HTR1F: variants seen among roughly 807,000 people sequenced by gnomAD.
HTR1F encodes the protein 5-hydroxytryptamine receptor 1F.
In HTR1F, 17 loss-of-function variants were observed where a neutral mutation model predicts 24.0. That is an observed-to-expected ratio of 0.71 (90% confidence interval 0.48 to 1.06). HTR1F has a LOEUF of 1.06. Ranked by LOEUF, HTR1F falls within the 50% of genes least tolerant of loss-of-function variation. The probability of loss-of-function intolerance (pLI) is 0.00; values close to 1 mark genes in which losing one functional copy is unlikely to be tolerated. For synonymous variants in HTR1F, 186 were observed against 156.8 expected, an observed-to-expected ratio of 1.19 and a Z score of -1.39; for missense variants, 391 against 427.8, an observed-to-expected ratio of 0.91 and a Z score of 0.76.
chr3:87,946,622 TA>T (rs1310836279), intron 2 of HTR1F, among the ~76,000 whole-genome samples: 1 of 85,414 alleles, frequency 1.2e-5, no homozygotes, highest in African/African-American at 4.3e-5. Flanking sequence ...TATATATATA[TA>T]TATATTTTTT....
At chr3:87,904,752 A>C (rs1216873965) in intron 2 of HTR1F, among the ~76,000 whole-genome samples, 4 of 152,126 alleles carry the variant, frequency 2.6e-5, no homozygotes, top group South Asian at 2.1e-4. Flanking sequence ...ATGCATACAC[A>C]TTATACCACA....
chr3:87,854,462 G>T (rs1246915012), intron 2 of HTR1F, among the ~76,000 whole-genome samples: 1 of 151,382 alleles, frequency 6.6e-6, no homozygotes, highest in Non-Finnish European at 1.5e-5. Context: ...TTCTTAGTCT[G>T]ACTTCTTTAA....
intron 2 of HTR1F, among the ~76,000 whole-genome samples, chr3:87,826,780 A>G (rs960100683): frequency 3.9e-5 from 6 of 152,116 alleles, no homozygotes; most frequent in Non-Finnish European, 7.3e-5. Context: ...AAGTCCACAA[A>G]TAGTAGATAA....
chr3:87,828,301 G>A (rs755842957), intron 2 of HTR1F, among the ~76,000 whole-genome samples: 6 of 152,080 alleles, frequency 3.9e-5, no homozygotes, highest in African/African-American at 1.2e-4. Context: ...ATTCACGTTC[G>A]ATTAGTTAAG....
intron 2 of HTR1F, among the ~76,000 whole-genome samples, chr3:87,827,379 C>T (rs1387246820): frequency 6.6e-6 from 1 of 151,878 alleles, no homozygotes; most frequent in Admixed American, 6.6e-5. Flanking sequence ...TTTTCCTTTC[C>T]CAGGCAGTCA....
intron 1 of HTR1F, among the ~76,000 whole-genome samples, chr3:87,800,262 G>T (rs1347101343): frequency 6.6e-6 from 1 of 151,988 alleles, no homozygotes; most frequent in Admixed American, 6.6e-5. Flanking sequence ...TTCTTCCTCT[G>T]AATTTCTGCT....
intron 2 of HTR1F, among the ~76,000 whole-genome samples, chr3:87,982,839 T>G (rs1705576495): frequency 6.6e-6 from 1 of 152,182 alleles, no homozygotes; most frequent in Admixed American, 6.5e-5. Flanking sequence ...CACCATTACA[T>G]ATAAAGGATT....
At chr3:87,894,037 T>TG (rs549912663) in intron 2 of HTR1F, among the ~76,000 whole-genome samples, 1 of 152,002 alleles carries the variant, frequency 6.6e-6, no homozygotes, top group South Asian at 2.1e-4. Flanking sequence ...CCATAGGTTT[T>TG]GGGGGGAACA....
rs192699543 is a variant in HTR1F, at chr3:87,803,006, T to C, written c.-160+10164T>C. 6.3e-4 allele frequency among the ~76,000 whole-genome samples: 96 copies of C among 152,240 alleles called. No individual in the cohort carries two copies. In the East Asian group the frequency reaches 0.011, roughly 17 times the overall value. Reference sequence around the variant, plus strand: ...GACCCTTCAATCTTAGTAATTCTGGTTGAAATAAAAGCAATGGAGCTGTCT... The same window carrying C: ...GACCCTTCAATCTTAGTAATTCTGGCTGAAATAAAAGCAATGGAGCTGTCT... On this transcript the variant is annotated intron_variant, in intron 1 of 2. Coordinates refer to ENST00000319595, the MANE Select transcript of HTR1F (RefSeq NM_001322209.2).
At chr3:87,825,868 C>T (rs1399034109) in intron 2 of HTR1F, among the ~76,000 whole-genome samples, 2 of 152,150 alleles carry the variant, frequency 1.3e-5, no homozygotes, top group African/African-American at 4.8e-5. Context: ...GACAGACAGG[C>T]AGGGTTTTAG....
At chr3:87,820,674 T>G (rs1704342276) in intron 1 of HTR1F, among the ~76,000 whole-genome samples, 1 of 152,080 alleles carries the variant, frequency 6.6e-6, no homozygotes, top group Admixed American at 6.5e-5. Context: ...AATTTGAGAG[T>G]TGATATGCTC....
At chr3:87,953,337 A>G (rs1704874855) in intron 2 of HTR1F, among the ~76,000 whole-genome samples, 1 of 138,462 alleles carries the variant, frequency 7.2e-6, no homozygotes, top group African/African-American at 3.1e-5. Flanking sequence ...AAATATAAAG[A>G]ACTCGATTTA....
At chr3:87,941,274 G>T (rs1704561227) in intron 2 of HTR1F, among the ~76,000 whole-genome samples, 1 of 152,124 alleles carries the variant, frequency 6.6e-6, no homozygotes, top group Admixed American at 6.5e-5. Flanking sequence ...AATCCATATT[G>T]GGCAGAAGCC....
At chr3:87,828,981 T>A (rs1224904423) in intron 2 of HTR1F, among the ~76,000 whole-genome samples, 3 of 151,766 alleles carry the variant, frequency 2.0e-5, no homozygotes, top group Non-Finnish European at 4.4e-5. Context: ...CTTGCTGACA[T>A]GTGGTTCATT....
intron 2 of HTR1F, among the ~76,000 whole-genome samples, chr3:87,912,633 CAAA>C (rs35147140): frequency 0.35 from 30,337 of 85,516 alleles, 2,733 homozygotes; most frequent in Middle Eastern, 0.43. Context: ...CAATCCTAGG[CAAA>C]AAAAAAAAAA....
chr3:87,818,192 T>G (rs943355215), intron 1 of HTR1F, among the ~76,000 whole-genome samples: 2 of 152,150 alleles, frequency 1.3e-5, no homozygotes, highest in Non-Finnish European at 2.9e-5. Context: ...CTGTGCTAAA[T>G]ACATCCATAT....
At chr3:87,892,505 G>A (rs906579189) in intron 2 of HTR1F, among the ~76,000 whole-genome samples, 6 of 152,096 alleles carry the variant, frequency 3.9e-5, no homozygotes, top group African/African-American at 1.4e-4. Flanking sequence ...TCAAAATCAA[G>A]ATATTTTTAT....
intron 2 of HTR1F, among the ~76,000 whole-genome samples, chr3:87,832,908 T>C (rs1176899304): frequency 6.6e-6 from 1 of 152,244 alleles, no homozygotes; most frequent in Non-Finnish European, 1.5e-5. Flanking sequence ...TTGCCAAGTT[T>C]TGTTCCGTCT....
chr3:87,918,988 G>A (rs575309673), intron 2 of HTR1F, among the ~76,000 whole-genome samples: 2 of 152,070 alleles, frequency 1.3e-5, no homozygotes, highest in South Asian at 4.1e-4. Context: ...TTGTAAGGCT[G>A]TAGTCACCAA....
Sources: allele counts gnomAD v4.1 joint callset (sites outside exome capture counted in the v4.1 genomes callset), GRCh38; gene constraint gnomAD v4.1.1; transcripts MANE v1.5; gene names NCBI Gene and HGNC (gene_info 2026-07-23, HGNC 2026-07-21).